Variants in PTPRN2 observed in about 807,000 individuals in gnomAD.
PTPRN2 encodes protein tyrosine phosphatase receptor type N2.
A neutral mutation model predicts 118.8 loss-of-function variants in PTPRN2; 74 were observed. The ratio of observed to expected loss-of-function variants is 0.62; its 90% CI spans 0.52 to 0.76. The LOEUF (loss-of-function observed/expected upper bound fraction) is 0.76, where lower values mean the gene tolerates loss of function less well. PTPRN2 is among the 30% of genes least tolerant of loss of function. PTPRN2 has a pLI of 0.00. For synonymous variants in PTPRN2, 641 were observed against 608.0 expected (o/e 1.05, Z -0.80); for missense variants, 1,481 against 1,394.4 (o/e 1.06, Z -0.99).
intron 12 of PTPRN2, among the ~76,000 whole-genome samples, chr7:157,853,412 C>A (rs770041638): frequency 3.9e-4 from 60 of 152,198 alleles, no homozygotes; most frequent in Non-Finnish European, 8.2e-4. Flanking sequence ...CCACTTTAAA[C>A]CCTGGAGAAC....
chr7:157,651,060 G>A (rs986785988), intron 14 of PTPRN2, among the ~76,000 whole-genome samples: 2 of 152,218 alleles, frequency 1.3e-5, no homozygotes, highest in Non-Finnish European at 2.9e-5. Flanking sequence ...GCACAGACAC[G>A]CATCACGCGT....
chr7:157,658,808 G>A (rs1795733609), intron 13 of PTPRN2, among the ~76,000 whole-genome samples: 1 of 152,200 alleles, frequency 6.6e-6, no homozygotes, highest in African/African-American at 2.4e-5. Context: ...AACAGAAGAG[G>A]TGAAAATGCA....
chr7:158,266,691 G>A (rs543967854), intron 3 of PTPRN2, among the ~76,000 whole-genome samples: 21 of 152,256 alleles, frequency 1.4e-4, no homozygotes, highest in African/African-American at 3.6e-4. Context: ...GCAGAGAGAC[G>A]AGAGCCACTT....
At chr7:158,301,446 C>T (rs1370312717) in intron 3 of PTPRN2, among the ~76,000 whole-genome samples, 2 of 152,200 alleles carry the variant, frequency 1.3e-5, no homozygotes, top group Admixed American at 1.3e-4. Flanking sequence ...TCTGAGTCAT[C>T]GTCTTAGCTC....
intron 11 of PTPRN2, among the ~76,000 whole-genome samples, chr7:158,026,062 C>T (rs73169795): frequency 0.13 from 20,219 of 152,296 alleles, 1,381 homozygotes; most frequent in Admixed American, 0.16. Context: ...ATGCCAAGCA[C>T]GGCCCATGCC....
intron 12 of PTPRN2, among the ~76,000 whole-genome samples, chr7:157,683,507 T>C (rs1473752489): frequency 6.6e-6 from 1 of 152,242 alleles, no homozygotes; most frequent in Non-Finnish European, 1.5e-5. Flanking sequence ...AGGCGAGCGC[T>C]GGTCGAATCC....
At chr7:157,976,101 A>G (rs1252573552) in intron 11 of PTPRN2, among the ~76,000 whole-genome samples, 3 of 152,220 alleles carry the variant, frequency 2.0e-5, no homozygotes, top group Non-Finnish European at 4.4e-5. Context: ...TGGAAGCAAA[A>G]GCCACCCCAG....
chr7:158,021,916 A>G (rs1443007541), intron 11 of PTPRN2, among the ~76,000 whole-genome samples: 3 of 152,222 alleles, frequency 2.0e-5, no homozygotes, highest in African/African-American at 7.2e-5. Flanking sequence ...CCTAGTAAGT[A>G]TTAAAATAAA....
chr7:158,513,696 C>T (rs1412528104), intron 1 of PTPRN2, among the ~76,000 whole-genome samples: 1 of 152,120 alleles, frequency 6.6e-6, no homozygotes, highest in African/African-American at 2.4e-5. Context: ...CTTCTTAACA[C>T]AGAAATAGGT....
At chr7:158,541,670 A>T in intron 1 of PTPRN2, 1 of 1,328,012 alleles carries the variant, frequency 7.5e-7, no homozygotes, top group Admixed American at 2.0e-5. Flanking sequence ...TACGAACGTT[A>T]GTTAATCTGT....
At position 157,929,685 on chromosome 7, in the gene PTPRN2, A is replaced by G. The variant is rs2128778496; in HGVS notation, c.1724-30948T>C. Among the ~76,000 whole-genome samples the G allele has an allele frequency of 7.9e-6, 1 of 127,354 alleles. No homozygotes were observed. Among genetic ancestry groups the G allele is most frequent in the Non-Finnish European group, 1.6e-5 (1 of 61,952 alleles). 83.5% of individuals were successfully genotyped at this position (127,354 alleles called of 152,430 possible). On this transcript the variant is annotated intron_variant, in intron 11 of 22. Transcript: ENST00000389418. This position sits in a 1 kb window ranked among gnomAD's most constrained non-coding sequence, Gnocchi z 4.4. ...CACCAGCCTCCTCTGTCTCTACTGT[A>G]AGACTTCCCTGTCCCTCGGGTGGGG...
At chr7:158,501,299 A>C (rs1317231936) in intron 1 of PTPRN2, among the ~76,000 whole-genome samples, 1 of 152,126 alleles carries the variant, frequency 6.6e-6, no homozygotes, top group Non-Finnish European at 1.5e-5. Flanking sequence ...GCTACAGCCA[A>C]GCAAACAGAG....
At chr7:158,467,770 C>A (rs1642867220) in intron 2 of PTPRN2, among the ~76,000 whole-genome samples, 1 of 152,174 alleles carries the variant, frequency 6.6e-6, no homozygotes, top group African/African-American at 2.4e-5. Context: ...GCTCTTTGTT[C>A]TGTTCCCATC....
At chr7:158,120,410 A>G (rs73745106) in intron 9 of PTPRN2, among the ~76,000 whole-genome samples, 42,635 of 152,078 alleles carry the variant, frequency 0.28, 6,122 homozygotes, top group South Asian at 0.44. Flanking sequence ...TAAAAGCACC[A>G]TGACGTGTGG....
At chr7:158,170,905 C>G (rs957863181) in intron 5 of PTPRN2, among the ~76,000 whole-genome samples, 1 of 151,632 alleles carries the variant, frequency 6.6e-6, no homozygotes, top group Non-Finnish European at 1.5e-5. Context: ...GTATCTGGCA[C>G]GGAAGTGTTA....
At chr7:158,138,268 G>A (rs1378959923) in intron 7 of PTPRN2, 26 bp downstream of exon 7, 4 of 1,604,858 alleles carry the variant, frequency 2.5e-6, no homozygotes, top group Admixed American at 3.3e-5. Flanking sequence ...ACCCCTGGGT[G>A]TGGGCACCCA....
chr7:158,075,627 A>C (rs1487737296), intron 11 of PTPRN2, among the ~76,000 whole-genome samples: 2 of 152,142 alleles, frequency 1.3e-5, no homozygotes, highest in Non-Finnish European at 1.5e-5. Context: ...TTTCTCTTAG[A>C]GGCTCCTCTT....
intron 3 of PTPRN2, among the ~76,000 whole-genome samples, chr7:158,273,919 C>G (rs1314588186): frequency 7.3e-6 from 1 of 137,164 alleles, no homozygotes; most frequent in Admixed American, 7.4e-5. Context: ...CGGGAGGAGC[C>G]GCAGACACAG....
Position 157,858,148 on chromosome 7 carries a change from C to CG in PTPRN2, c.1788+40524dup, listed in dbSNP as rs1554472390. On this transcript the variant is annotated intron_variant, in intron 12 of 22. Transcript: ENST00000389418. ...ACCCACACTCCTGCAGGGAGAGCCCCGTCACCACCCACACTCCTGCAGGGA... is the reference window on the plus strand; with the variant it reads ...ACCCACACTCCTGCAGGGAGAGCCCCGGTCACCACCCACACTCCTGCAGGGA... 4.0e-4 allele frequency among the ~76,000 whole-genome samples: 14 copies of CG among 35,384 alleles called. 1 individual carries two copies. The highest frequency in any genetic ancestry group is 1.1e-3 in the South Asian group (1 of 870). The allele number at this position is 35,384 out of a possible 152,430, so 23.2% of individuals were successfully genotyped here.
Sources: gnomAD v4.1 joint callset for allele counts (sites outside exome capture counted in the v4.1 genomes callset) on GRCh38, gnomAD v4.1.1 for gene constraint, Gnocchi (gnomAD v3.1) non-coding constraint, MANE v1.5 for transcripts, NCBI Gene and HGNC (gene_info 2026-07-23, HGNC 2026-07-21) for gene names.